The following MYO10 variants were observed in gnomAD, a reference collection of about 807,000 sequenced individuals.
MYO10 encodes the protein unconventional myosin-X.
A neutral mutation model predicts 257.3 loss-of-function variants in MYO10; 133 were observed. The ratio of observed to expected loss-of-function variants is 0.52; its 90% confidence interval spans 0.45 to 0.60. The LOEUF (loss-of-function observed/expected upper bound fraction) is 0.60. Among genes scored for constraint, MYO10 ranks in the 20% least tolerant of loss-of-function variants. The pLI, the probability that MYO10 is intolerant of heterozygous loss-of-function variation, is 0.00. For missense variants in MYO10, 2,399 were observed against 2,635.7 expected, an observed-to-expected ratio of 0.91 and a Z score of 1.97; for synonymous variants, 1,104 against 1,028.6, an observed-to-expected ratio of 1.07 and a Z score of -1.40.
intron 2 of MYO10, among the ~76,000 whole-genome samples, chr5:16,845,767 C>A (rs1743616488): frequency 6.6e-6 from 1 of 152,084 alleles, no homozygotes; most frequent in Non-Finnish European, 1.5e-5. Flanking sequence ...ATATTGAGAC[C>A]ATCCTGGCTA....
chr5:16,762,718 C>A, intron 14 of MYO10, 81 bp from the exon 15 acceptor site: 1 of 1,050,454 alleles, frequency 9.5e-7, no homozygotes. Context: ...AATTCCAGCA[C>A]TTTGGGAAGC....
chr5:16,736,443 CAG>C (rs937767952), intron 19 of MYO10, among the ~76,000 whole-genome samples: 11 of 152,204 alleles, frequency 7.2e-5, no homozygotes, highest in African/African-American at 1.9e-4. Context: ...GTCAGTTCCA[CAG>C]AGTTTTCAGA....
intron 4 of MYO10, among the ~76,000 whole-genome samples, chr5:16,789,891 G>C (rs970367854): frequency 5.3e-5 from 8 of 152,186 alleles, no homozygotes; most frequent in African/African-American, 1.9e-4. Flanking sequence ...CAACCAAACA[G>C]TTCTGGGCCT....
At chr5:16,883,224 A>T (rs1229836384) in intron 1 of MYO10, among the ~76,000 whole-genome samples, 3 of 152,076 alleles carry the variant, frequency 2.0e-5, no homozygotes, top group African/African-American at 7.2e-5. Context: ...CATCATTTTT[A>T]AAAAATTGTT....
chr5:16,694,129 A>G (rs2126529993), intron 27 of MYO10, among the ~76,000 whole-genome samples: 1 of 152,340 alleles, frequency 6.6e-6, no homozygotes, highest in Non-Finnish European at 1.5e-5. Flanking sequence ...CAACTTCCAG[A>G]TCCAATTGGC....
At chr5:16,915,241 A>G (rs1436605879) in intron 1 of MYO10, among the ~76,000 whole-genome samples, 2 of 152,220 alleles carry the variant, frequency 1.3e-5, no homozygotes, top group Non-Finnish European at 2.9e-5. Context: ...CCACCAGGGA[A>G]CACAACTGGG....
intron 1 of MYO10, among the ~76,000 whole-genome samples, chr5:16,894,185 T>C (rs1320112888): frequency 6.6e-6 from 1 of 152,102 alleles, no homozygotes; most frequent in African/African-American, 2.4e-5. Context: ...TCATTCAGAG[T>C]TCTCCAGTTT....
chr5:16,822,692 T>A (rs1742857353), intron 2 of MYO10, among the ~76,000 whole-genome samples: 2 of 2,666 alleles, frequency 7.5e-4, no homozygotes, highest in African/African-American at 1.2e-3. Context: ...TTATTTTTAT[T>A]TTTTTTTTTT....
intron 1 of MYO10, among the ~76,000 whole-genome samples, chr5:16,928,019 A>C (rs1198905626): frequency 6.6e-6 from 1 of 152,184 alleles, no homozygotes; most frequent in Non-Finnish European, 1.5e-5. Flanking sequence ...TGATATGAAG[A>C]AACTCCAACA....
intron 1 of MYO10, among the ~76,000 whole-genome samples, chr5:16,935,299 CCTT>C (rs1449726611): frequency 4.6e-5 from 7 of 152,218 alleles, no homozygotes; most frequent in Admixed American, 2.0e-4. Context: ...CCTTGCCTCT[CCTT>C]CTCACACTTC....
chr5:16,751,457 C>G (rs1740375101), intron 19 of MYO10, among the ~76,000 whole-genome samples: 2 of 151,982 alleles, frequency 1.3e-5, no homozygotes, highest in African/African-American at 2.4e-5. Context: ...GCTCTTGTGC[C>G]TCTGCCTTCA....
At chr5:16,929,500 G>C (rs1327173598) in intron 1 of MYO10, among the ~76,000 whole-genome samples, 1 of 152,192 alleles carries the variant, frequency 6.6e-6, no homozygotes, top group Non-Finnish European at 1.5e-5. Context: ...GACACAGCCT[G>C]TCTGGGTTCA....
intron 27 of MYO10, among the ~76,000 whole-genome samples, chr5:16,693,001 T>C (rs555146754): frequency 9.9e-5 from 15 of 152,212 alleles, no homozygotes; most frequent in Admixed American, 8.5e-4. Context: ...AAGAGAAACA[T>C]CATGGCCGTA....
intron 19 of MYO10, among the ~76,000 whole-genome samples, chr5:16,718,452 G>A (rs1738995160): frequency 6.6e-6 from 1 of 152,254 alleles, no homozygotes; most frequent in African/African-American, 2.4e-5. Context: ...TTTATATCTA[G>A]CTCAGGGATT....
At chr5:16,730,335 C>G (rs970473521) in intron 19 of MYO10, among the ~76,000 whole-genome samples, 3 of 152,096 alleles carry the variant, frequency 2.0e-5, no homozygotes, top group Admixed American at 6.6e-5. Context: ...TGGACTCTGC[C>G]TGGAGAGAGA....
chr5:16,681,178 A>C lies in MYO10; in HGVS notation c.4384+131T>G, dbSNP rs1736979574. 6.0e-6 allele frequency: 6 copies of C among 993,272 alleles called. No homozygotes were observed. In the South Asian group the frequency reaches 1.1e-4, roughly 18 times the overall value. The allele number at this position is 993,272 out of a possible 1,614,324, so 61.5% of individuals were successfully genotyped here. A position where few individuals can be genotyped will look rare whatever the true frequency, so the allele number is the denominator to read the frequency against. Reference sequence around the variant, plus strand: ...ATAGCTAACCCCAGACAGGCTTAGAAGATAAACCAAGAGGACAACTTCTTT... The same window carrying C: ...ATAGCTAACCCCAGACAGGCTTAGACGATAAACCAAGAGGACAACTTCTTT... On this transcript the variant is annotated intron_variant, in intron 32 of 40. Coordinates refer to ENST00000513610, the MANE Select transcript of MYO10 (RefSeq NM_012334.3).
chr5:16,927,859 A>T (rs1746180856), intron 1 of MYO10, among the ~76,000 whole-genome samples: 1 of 152,172 alleles, frequency 6.6e-6, no homozygotes, highest in Non-Finnish European at 1.5e-5. Context: ...GAGGTGCTAG[A>T]TTTACTTTAG....
chr5:16,847,135 T>C (rs1197978552), intron 2 of MYO10, among the ~76,000 whole-genome samples: 4 of 149,864 alleles, frequency 2.7e-5, no homozygotes, highest in African/African-American at 7.4e-5. Flanking sequence ...AAAAAAAAAG[T>C]ATTTAAAAAT....
Position 16,761,472 on chromosome 5 carries a change from T to C in MYO10, c.1731A>G (p.Arg577=), listed in dbSNP as rs563243517. Residue 577 remains arginine (R), a synonymous_variant, in exon 17 of 41, where the codon AGA becomes AGG. Transcript: ENST00000513610. ...TGAGAAGACTGACATACCGGCTTTCTCTTAGCAAATTGAGAAGGTCATCTC... is the reference window on the plus strand; with the variant it reads ...TGAGAAGACTGACATACCGGCTTTCCCTTAGCAAATTGAGAAGGTCATCTC... The part of the protein sequence containing the change: ...TFRDDLLNLL[R]ESRFDFIYDL... 3.8e-5 allele frequency: 61 copies of C among 1,612,608 alleles called. No individual in the cohort carries two copies. In the South Asian group the frequency reaches 4.7e-4, roughly 12 times the overall value.
Sources: gnomAD v4.1 joint callset for allele counts (sites outside exome capture counted in the v4.1 genomes callset) on GRCh38, gnomAD v4.1.1 for gene constraint, MANE v1.5 for transcripts, NCBI Gene and HGNC (gene_info 2026-07-23, HGNC 2026-07-21) for gene names.